Variants in ADAMTS13 observed in about 807,000 individuals in gnomAD.
The protein encoded by ADAMTS13 is A disintegrin and metalloproteinase with thrombospondin motifs 13.
ADAMTS13 carries 110 observed loss-of-function variants against 155.1 expected under a neutral mutation model. The ratio of observed to expected loss-of-function variants is 0.71; its 90% CI spans 0.61 to 0.83. ADAMTS13 has a LOEUF of 0.83. ADAMTS13 is among the 40% of genes least tolerant of loss of function. The pLI is 0.00. For missense variants in ADAMTS13, 1,707 were observed against 1,891.7 expected (o/e 0.90, Z 1.81); for synonymous variants, 758 against 756.4 (o/e 1.00, Z -0.03).
chr9:133,417,808 G>A (rs782570302), upstream of ADAMTS13: 2 of 1,606,068 alleles, frequency 1.2e-6, no homozygotes, highest in South Asian at 2.2e-5. Flanking sequence ...GGGCTGCTCG[G>A]GGCGCGCTTG....
chr9:133,436,865 C>G lies in ADAMTS13; in HGVS notation c.1345C>G (p.Gln449Glu), dbSNP rs121908476. ...GACCCAGCTGGAGTTCATGTCGCAA[C>G]AGTGCGCCAGGACCGACGGCCAGCC... Reference protein sequence around the residue: ...EKTQLEFMSQQCARTDGQPLR... With the variant: ...EKTQLEFMSQECARTDGQPLR... The change falls in exon 12 of 29, where the codon CAG becomes GAG. Residue 449 changes from glutamine (Q) to glutamate (E), a missense_variant. Gln to Glu is a conservative substitution (Grantham distance 29). Coordinates refer to ENST00000355699, the MANE Select transcript of ADAMTS13 (RefSeq NM_139027.6). 1 of 1,586,916 alleles carries G rather than the reference C, an allele frequency of 6.3e-7. No individual in the cohort carries two copies. The highest frequency in any genetic ancestry group is 1.1e-5 in the South Asian group (1 of 87,270).
chr9:133,414,752 C>T (rs781924959), intron 1 of ADAMTS13: 24 of 1,614,068 alleles, frequency 1.5e-5, no homozygotes, highest in Non-Finnish European at 1.9e-5. Context: ...ACCATTTGTC[C>T]TTTCCTTGGT....
rs147965352 is a variant in ADAMTS13, at chr9:133,445,992, A to G, written c.2731+173A>G. On this transcript the variant is annotated intron_variant, in intron 21 of 28. Transcript: ENST00000355699. This position sits in a 1 kb window ranked among gnomAD's most constrained non-coding sequence, Gnocchi z 5.0. ...AGCATAGTAGCTGACAGCCACTTCA[A>G]ATGTGGGTGTTGATTGGCTGAAAGG... Among the ~76,000 whole-genome samples, 5 of 152,322 alleles carry G rather than the reference A, an allele frequency of 3.3e-5. No homozygotes were observed. In the East Asian group the frequency reaches 5.8e-4, roughly 18 times the overall value.
In ADAMTS13 at chr9:133,433,418, C is replaced by A. The variant is rs782003178; in HGVS notation, c.1133C>A (p.Thr378Asn). 8.7e-6 allele frequency: 14 copies of A among 1,613,152 alleles called. No individual in the cohort carries two copies. Among genetic ancestry groups the A allele is most frequent in the Non-Finnish European group, 9.3e-6 (11 of 1,179,938 alleles). The change falls in exon 10 of 29, where the codon ACC (threonine) becomes AAC (asparagine). Residue 378 changes from threonine to asparagine, a missense_variant. Thr to Asn is a moderately conservative substitution (Grantham distance 65, BLOSUM62 0). Transcript: ENST00000355699. ...CGCTGCCGCTCCCTGGTGGAGCTGA[C>A]CCCCATAGCAGCAGTGCATGGGCGC... ...KGRCRSLVELTPIAAVHGRWS... is the reference protein window; with the variant it reads ...KGRCRSLVELNPIAAVHGRWS...
At chr9:133,416,928 C>T in intron 1 of ADAMTS13, among the ~76,000 whole-genome samples, 1 of 152,214 alleles carries the variant, frequency 6.6e-6, no homozygotes, top group East Asian at 1.9e-4. Flanking sequence ...GTCGCTAGAA[C>T]CCCATCACAT....
At chr9:133,452,605 C>T (rs1448777006) in intron 23 of ADAMTS13, among the ~76,000 whole-genome samples, 2 of 152,132 alleles carry the variant, frequency 1.3e-5, no homozygotes, top group Non-Finnish European at 2.9e-5. Flanking sequence ...GCTTAAACTT[C>T]ACCTCCCACA....
At chr9:133,419,537 C>T (rs1306517824), upstream of ADAMTS13, among the ~76,000 whole-genome samples, 1 of 152,120 alleles carries the variant, frequency 6.6e-6, no homozygotes, top group African/African-American at 2.4e-5. Context: ...GCTGGGGGCT[C>T]TCCAGGGGCG....
In ADAMTS13 at chr9:133,449,898, A is replaced by G. The variant is rs1038272644; in HGVS notation, c.2977A>G (p.Thr993Ala). 6.2e-7 allele frequency: 1 copy of G among 1,613,636 alleles called. No homozygotes were observed. The highest frequency in any genetic ancestry group is 8.5e-7 in the Non-Finnish European group (1 of 1,179,956). Residue 993 changes from threonine (T) to alanine (A), a missense_variant, in exon 23 of 29, where the codon ACC becomes GCC. Around this residue, in one of 3 missense-constraint regions of ADAMTS13, gnomAD observed 961 missense variants for 1,107.9 expected, o/e 0.87. Transcript: ENST00000355699. The stretch of plus-strand genomic sequence containing the variant: ...CGATGGTGAGGAGATCCTGTTGGAC[A>G]CCCAGTGCCAGGGGCTGCCTCGCCC... Reference protein sequence around the residue: ...EDDGEEILLDTQCQGLPRPEP... With the variant: ...EDDGEEILLDAQCQGLPRPEP...
chr9:133,452,031 C>T (rs1554794488), intron 23 of ADAMTS13, among the ~76,000 whole-genome samples: 1 of 149,860 alleles, frequency 6.7e-6, no homozygotes, highest in Non-Finnish European at 1.5e-5. Context: ...ATCTGTTGGA[C>T]AAGCCCTGAT....
At chr9:133,417,716 C>T (rs587697040), upstream of ADAMTS13, 9 of 1,614,156 alleles carry the variant, frequency 5.6e-6, no homozygotes, top group East Asian at 1.6e-4. Context: ...TGCTTACTTC[C>T]CGCGCCTTGC....
In ADAMTS13 at chr9:133,428,621, GC is replaced by G; in HGVS notation, c.687-7del. 2 of 1,026,494 alleles carry G rather than the reference GC, an allele frequency of 1.9e-6. No homozygotes were observed. Among genetic ancestry groups the G allele is most frequent in the South Asian group, 5.0e-5 (2 of 40,200 alleles). 63.6% of individuals were successfully genotyped at this position (1,026,494 alleles called of 1,614,324 possible). Reference sequence around the variant, plus strand: ...GCCGGCCGCCTTAGCGCAACTCCCCGCCCCCCGACCAGCTTCGGCCTGGAGC... The same window carrying G: ...GCCGGCCGCCTTAGCGCAACTCCCCGCCCCCGACCAGCTTCGGCCTGGAGC... On this transcript the variant is annotated splice_polypyrimidine_tract_variant and intron_variant, in intron 6 of 28. Transcript: ENST00000355699.
At chr9:133,417,630 G>C (rs782499576), upstream of ADAMTS13, 1 of 1,613,674 alleles carries the variant, frequency 6.2e-7, no homozygotes, top group Admixed American at 1.7e-5. Context: ...CTCTTGCAGC[G>C]CCTTCCAGTT....
At position 133,424,480 on chromosome 9, in the gene ADAMTS13, T is replaced by TG. The variant is rs782316384; in HGVS notation, c.330+3dup. On this transcript the variant is annotated splice_region_variant and intron_variant, in intron 3 of 28. Transcript: ENST00000355699. The surrounding 1 kb of genome is among the most constrained non-coding windows in gnomAD (Gnocchi z 4.3). ...TATGTGCTCACCAACCTCAACATCG[T>TG]GAGTGCCCCACGCTGGACTGTGCAG... The TG allele has an allele frequency of 6.2e-7, 1 of 1,612,734 alleles. No homozygotes were observed. Among genetic ancestry groups the TG allele is most frequent in the South Asian group, 1.1e-5 (1 of 90,914 alleles).
At chr9:133,414,512 G>A (rs1554781028) in exon 1 of ADAMTS13, 1 of 768,688 alleles carries the variant, frequency 1.3e-6, no homozygotes, top group Non-Finnish European at 2.3e-6. Flanking sequence ...ACACTCTAGG[G>A]GAAAACAAGT....
At chr9:133,438,518 C>A (rs1284767213) in intron 14 of ADAMTS13, 152 bp downstream of exon 14, 12 of 1,232,584 alleles carry the variant, frequency 9.7e-6, no homozygotes, top group Non-Finnish European at 1.3e-5. Context: ...TCTCCCTCTT[C>A]CACTTCGCCA....
rs2301613 is a variant in ADAMTS13 at position 133,449,556 on chromosome 9, C to G, written c.2862-227C>G. On this transcript the variant is annotated intron_variant, in intron 22 of 28. Transcript: ENST00000355699. ...ACTGTCTCTGGGATACGACATCTGT[C>G]GTTTGCCCTCACCTTTCTCTTCTGT... 0.29 allele frequency among the ~76,000 whole-genome samples: 43,409 copies of G among 152,038 alleles called. 7,875 individuals carry two copies. Among genetic ancestry groups the G allele is most frequent in the South Asian group, 0.41 (1,982 of 4,798 alleles).
chr9:133,430,986 GAC>G (rs2130812032), intron 8 of ADAMTS13, among the ~76,000 whole-genome samples: 1 of 151,982 alleles, frequency 6.6e-6, no homozygotes, highest in East Asian at 1.9e-4. Context: ...ATTCTTTTGA[GAC>G]AGGGCCTCGT....
intron 18 of ADAMTS13, among the ~76,000 whole-genome samples, 169 bp from the exon 19 acceptor site, chr9:133,443,207 G>T (rs1167650401): frequency 1.3e-5 from 2 of 152,204 alleles, no homozygotes; most frequent in Non-Finnish European, 2.9e-5. Context: ...TGATTCGGTT[G>T]TCCTCAGGCT....
At position 133,436,343 on chromosome 9, in the gene ADAMTS13, G is replaced by C. The variant is rs587655811; in HGVS notation, c.1309-486G>C. ...GGGAGGGTCTTTGGCTGGAGCACAGGGTGGTGGGATTTCGTGGAGGCAGTG... is the reference window on the plus strand; with the variant it reads ...GGGAGGGTCTTTGGCTGGAGCACAGCGTGGTGGGATTTCGTGGAGGCAGTG... On this transcript the variant is annotated intron_variant, in intron 11 of 28. Transcript: ENST00000355699. 3.4e-5 allele frequency among the ~76,000 whole-genome samples: 5 copies of C among 146,110 alleles called. No homozygotes were observed. In the East Asian group the frequency reaches 5.9e-4, roughly 17 times the overall value.
Sources: gnomAD v4.1 joint callset for allele counts (sites outside exome capture counted in the v4.1 genomes callset) on GRCh38, gnomAD v4.1.1 for gene constraint, gnomAD v4.1.1 regional missense constraint, Gnocchi (gnomAD v3.1) non-coding constraint, MANE v1.5 for transcripts, NCBI Gene and HGNC (gene_info 2026-07-23, HGNC 2026-07-21) for gene names.